Variants in COG5 observed in about 807,000 individuals in gnomAD.
The protein encoded by COG5 is component of oligomeric golgi complex 5, also known as conserved oligomeric Golgi complex subunit 5.
COG5 carries 86 observed loss-of-function variants against 110.4 expected under a neutral mutation model. The observed-to-expected ratio is 0.78, with a 90% confidence interval of 0.65 to 0.93. The LOEUF is 0.93. COG5 is among the 40% of genes least tolerant of loss of function. COG5 has a pLI of 0.00. For synonymous variants in COG5, 360 were observed against 334.6 expected, an observed-to-expected ratio of 1.08 and a Z score of -0.83; for missense variants, 1,077 against 987.0, an observed-to-expected ratio of 1.09 and a Z score of -1.22.
At chr7:107,456,717 C>T (rs943464039) in intron 6 of COG5, among the ~76,000 whole-genome samples, 3 of 152,160 alleles carry the variant, frequency 2.0e-5, no homozygotes, top group Non-Finnish European at 2.9e-5. Flanking sequence ...CACAGTGAGA[C>T]TCAAAAAGGC....
Position 107,547,355 on chromosome 7 carries a change from T to C in COG5, c.417+756A>G, listed in dbSNP as rs559642886. On this transcript the variant is annotated intron_variant, in intron 5 of 21. Coordinates refer to ENST00000297135, the MANE Select transcript of COG5 (RefSeq NM_006348.5). ...TGTTAAAAACTCAAAAAAAACTCTA[T>C]AGAAGGAACGTACCTCAACGCAATA... Among the ~76,000 whole-genome samples the C allele has an allele frequency of 2.2e-3, 342 of 152,224 alleles. 2 individuals carry two copies. Among genetic ancestry groups the C allele is most frequent in the African/African-American group, 7.6e-3 (317 of 41,534 alleles).
At chr7:107,215,425 TG>T (rs1167255551) in intron 19 of COG5, among the ~76,000 whole-genome samples, 1 of 152,020 alleles carries the variant, frequency 6.6e-6, no homozygotes, top group Non-Finnish European at 1.5e-5. Flanking sequence ...CCCAGCACTT[TG>T]GGAGGCCGTG....
At chr7:107,291,154 C>T (rs1806138228) in intron 12 of COG5, among the ~76,000 whole-genome samples, 1 of 152,176 alleles carries the variant, frequency 6.6e-6, no homozygotes, top group Admixed American at 6.5e-5. Context: ...TTCTCCATTA[C>T]ATCTCTCCTC....
At chr7:107,307,415 G>A (rs1427141109) in intron 11 of COG5, among the ~76,000 whole-genome samples, 1 of 151,928 alleles carries the variant, frequency 6.6e-6, no homozygotes, top group African/African-American at 2.4e-5. Context: ...GTTTTTATAG[G>A]TTTCAAACAT....
At chr7:107,391,013 T>A (rs557237889) in intron 7 of COG5, among the ~76,000 whole-genome samples, 1 of 151,934 alleles carries the variant, frequency 6.6e-6, no homozygotes. Context: ...TGTAAAGGGG[T>A]CTATCTAAAA....
chr7:107,478,666 G>C (rs1214176377), intron 6 of COG5, among the ~76,000 whole-genome samples: 1 of 151,862 alleles, frequency 6.6e-6, no homozygotes, highest in Non-Finnish European at 1.5e-5. Flanking sequence ...CATAGTACAT[G>C]ATATACTATA....
intron 6 of COG5, among the ~76,000 whole-genome samples, chr7:107,451,907 T>C (rs1358595556): frequency 2.6e-5 from 4 of 152,122 alleles, no homozygotes; most frequent in Non-Finnish European, 4.4e-5. Flanking sequence ...AGTCAAAAGT[T>C]ATACATGGAT....
intron 7 of COG5, among the ~76,000 whole-genome samples, chr7:107,391,247 A>G (rs1260264122): frequency 6.6e-6 from 1 of 152,144 alleles, no homozygotes; most frequent in African/African-American, 2.4e-5. Context: ...GGGAGTCTGT[A>G]AGCTGCCTGG....
At position 107,542,173 on chromosome 7, in the gene COG5, G is replaced by A. The variant is rs141779021; in HGVS notation, c.417+5938C>T. 8.5e-3 allele frequency among the ~76,000 whole-genome samples: 1,301 copies of A among 152,190 alleles called. 18 individuals carry two copies. The highest frequency in any genetic ancestry group is 0.03 in the African/African-American group (1,242 of 41,540). On this transcript the variant is annotated intron_variant, in intron 5 of 21. Transcript: ENST00000297135. ...AGAACTAACCATAAAAGAAAAATTAGATAAATTTAACTTCTCTCCAACAAC... is the reference window on the plus strand; with the variant it reads ...AGAACTAACCATAAAAGAAAAATTAAATAAATTTAACTTCTCTCCAACAAC...
At position 107,563,546 on chromosome 7, in the gene COG5, G is replaced by T. The variant is rs1259898083; in HGVS notation, c.94+257C>A. The T allele has an allele frequency of 1.3e-3, 235 of 187,606 alleles. 1 individual carries two copies. The highest frequency in any genetic ancestry group is 7.2e-3 in the Middle Eastern group (5 of 690). 11.6% of individuals were successfully genotyped at this position (187,606 alleles called of 1,614,324 possible). On this transcript the variant is annotated intron_variant, in intron 1 of 21. Coordinates refer to ENST00000297135, the MANE Select transcript of COG5 (RefSeq NM_006348.5). ...AAACTTCAGGGAAGCTGGAGGCATG[G>T]GGGGGGGGGGGGTCGAGTTGAAATG...
chr7:107,204,899 G>T (rs1224243653), intron 21 of COG5, among the ~76,000 whole-genome samples: 4 of 152,154 alleles, frequency 2.6e-5, no homozygotes, highest in Admixed American at 6.5e-5. Context: ...GCAGCGTTCT[G>T]CCCGCCTTCC....
Position 107,306,445 on chromosome 7 carries a change from T to G in COG5, c.1109-8099A>C, listed in dbSNP as rs73726021. On this transcript the variant is annotated intron_variant, in intron 11 of 21. Transcript: ENST00000297135. ...TAGTTCAGAAAAACTCAAGCCAGAA[T>G]AGAAATAAAACAGACCTTTGTAAAA... Among the ~76,000 whole-genome samples, 196 of 152,264 alleles carry G rather than the reference T, an allele frequency of 1.3e-3. 1 individual carries two copies. Among genetic ancestry groups the G allele is most frequent in the African/African-American group, 4.4e-3 (182 of 41,560 alleles).
chr7:107,496,805 A>G (rs1016481175), intron 6 of COG5, among the ~76,000 whole-genome samples: 4 of 152,152 alleles, frequency 2.6e-5, no homozygotes, highest in Non-Finnish European at 5.9e-5. Flanking sequence ...AACATTTAAT[A>G]AACAGAAATA....
At chr7:107,371,758 C>CAAAG (rs1403767702) in intron 8 of COG5, among the ~76,000 whole-genome samples, 1 of 151,840 alleles carries the variant, frequency 6.6e-6, no homozygotes, top group Non-Finnish European at 1.5e-5. Context: ...GAAAGAGATG[C>CAAAG]AAAGAAAGAA....
intron 18 of COG5, among the ~76,000 whole-genome samples, chr7:107,232,431 G>T (rs1800843617): frequency 6.6e-6 from 1 of 152,114 alleles, no homozygotes; most frequent in Non-Finnish European, 1.5e-5. Flanking sequence ...TTTACATACT[G>T]AAATTATATA....
intron 6 of COG5, among the ~76,000 whole-genome samples, chr7:107,453,029 A>C (rs926381277): frequency 2.6e-5 from 4 of 152,208 alleles, no homozygotes; most frequent in Non-Finnish European, 5.9e-5. Context: ...ATCATAGTGT[A>C]TTCATCTGCA....
At position 107,252,739 on chromosome 7, in the gene COG5, T is replaced by A. The variant is rs1802614201; in HGVS notation, c.1749+3993A>T. On this transcript the variant is annotated intron_variant, in intron 16 of 21. Coordinates refer to ENST00000297135, the MANE Select transcript of COG5 (RefSeq NM_006348.5). The stretch of plus-strand genomic sequence containing the variant: ...CATAAAAAGGGTAATACATCATGAC[T>A]AAGGTTGGTTTGATATTTGAAAATA... 2.6e-5 allele frequency among the ~76,000 whole-genome samples: 4 copies of A among 152,148 alleles called. No individual in the cohort carries two copies. The South Asian group carries it at 8.3e-4, about 32-fold the overall frequency.
intron 6 of COG5, among the ~76,000 whole-genome samples, chr7:107,434,733 G>A (rs1794249229): frequency 6.6e-6 from 1 of 152,166 alleles, no homozygotes; most frequent in Non-Finnish European, 1.5e-5. Context: ...CACTTTGGGA[G>A]GCCAAGGTGG....
chr7:107,426,135 G>T (rs1011840515), intron 6 of COG5, among the ~76,000 whole-genome samples: 1 of 152,118 alleles, frequency 6.6e-6, no homozygotes, highest in African/African-American at 2.4e-5. Context: ...CTCCAGAATT[G>T]TAAGACAACA....
Sources: allele counts gnomAD v4.1 joint callset (sites outside exome capture counted in the v4.1 genomes callset), GRCh38; gene constraint gnomAD v4.1.1; transcripts MANE v1.5; gene names NCBI Gene and HGNC (gene_info 2026-07-23, HGNC 2026-07-21).